CDK5RAP2: variants seen among roughly 807,000 people sequenced by gnomAD.
CDK5RAP2 encodes the protein CDK5 regulatory subunit associated protein 2.
A neutral mutation model predicts 232.9 loss-of-function variants in CDK5RAP2; 147 were observed. That is an observed-to-expected ratio of 0.63 (90% confidence interval 0.55 to 0.72). The LOEUF is 0.72. Among genes scored for constraint, CDK5RAP2 ranks in the 30% least tolerant of loss-of-function variants. The pLI is 0.00. For missense variants in CDK5RAP2, 2,195 were observed against 2,231.5 expected, an observed-to-expected ratio of 0.98 and a Z score of 0.33; for synonymous variants, 833 against 833.7, an observed-to-expected ratio of 1.00 and a Z score of 0.01.
chr9:120,519,160 C>A (rs1217314145), intron 11 of CDK5RAP2, among the ~76,000 whole-genome samples: 1 of 146,892 alleles, frequency 6.8e-6, no homozygotes, highest in African/African-American at 2.5e-5. Context: ...GGTGACAGAG[C>A]GAGACTCCGT....
chr9:120,538,693 A>C (rs1040249709), intron 6 of CDK5RAP2, among the ~76,000 whole-genome samples: 1 of 152,186 alleles, frequency 6.6e-6, no homozygotes, highest in Non-Finnish European at 1.5e-5. Flanking sequence ...TAAACTAGAC[A>C]AGCAGAGTGG....
chr9:120,468,381 C>T (rs181806470), intron 17 of CDK5RAP2, among the ~76,000 whole-genome samples: 2 of 152,326 alleles, frequency 1.3e-5, no homozygotes, highest in Admixed American at 1.3e-4. Context: ...GCACTTGAGA[C>T]CCTCTGGAGG....
At chr9:120,552,965 A>G (rs1398090950) in intron 3 of CDK5RAP2, among the ~76,000 whole-genome samples, 1 of 152,204 alleles carries the variant, frequency 6.6e-6, no homozygotes, top group Non-Finnish European at 1.5e-5. Context: ...ATGAATATAC[A>G]TGGTTGTTCA....
chr9:120,436,843 T>C (rs1021401561), intron 25 of CDK5RAP2, among the ~76,000 whole-genome samples: 11 of 152,178 alleles, frequency 7.2e-5, no homozygotes, highest in African/African-American at 2.7e-4. Flanking sequence ...CATCCTTAAC[T>C]CTTCGATATA....
In CDK5RAP2 at chr9:120,407,099, C is replaced by A. The variant is rs1203459048; in HGVS notation, c.4876G>T (p.Gly1626Trp). ...QSRLKEQLAR[G>W]AEKAQEGALT... ...GCTCCTTCCTGTGCCTTCTCTGCCC[C>A]CCTTGCCAGCTGTTCCTTGAGCCTG... is the stretch of plus-strand genomic sequence containing the variant. Residue 1626 changes from glycine (G) to tryptophan (W), a missense_variant, in exon 32 of 38, where the codon GGG becomes TGG. Transcript: ENST00000349780. The A allele has an allele frequency of 1.2e-6, 2 of 1,614,120 alleles. No homozygotes were observed. The highest frequency in any genetic ancestry group is 1.1e-5 in the South Asian group (1 of 91,084).
chr9:120,417,675 A>C (rs1236914151), intron 27 of CDK5RAP2, among the ~76,000 whole-genome samples: 1 of 152,230 alleles, frequency 6.6e-6, no homozygotes, highest in East Asian at 1.9e-4. Flanking sequence ...GCCAAACTGA[A>C]GAGAAGGAAA....
chr9:120,433,223 AG>A (rs1440626157), intron 25 of CDK5RAP2, among the ~76,000 whole-genome samples: 2 of 152,222 alleles, frequency 1.3e-5, no homozygotes, highest in African/African-American at 2.4e-5. Context: ...AGAGGAACAG[AG>A]TTAAATCCTG....
chr9:120,403,020 T>A lies in CDK5RAP2; in HGVS notation c.5093A>T (p.Asp1698Val), dbSNP rs1485164070. Residue 1698 changes from aspartate (D) to valine (V), a missense_variant, in exon 34 of 38, where the codon GAC becomes GTC. Transcript: ENST00000349780. The surrounding 1 kb of genome is among the most constrained non-coding windows in gnomAD (Gnocchi z 4.2). The part of the protein sequence containing the change: ...SGNDTDSLSC[D>V]SGSSATSTPC... ...AGTGCTAGTTGCCGAACTGCCACTG[T>A]CGCAGGAGAGGGAGTCCGTGTCATT... 1.2e-6 allele frequency: 2 copies of A among 1,614,138 alleles called. No individual in the cohort carries two copies. The highest frequency in any genetic ancestry group is 2.2e-5 in the East Asian group (1 of 44,890).
chr9:120,459,291 T>C (rs564999851), intron 19 of CDK5RAP2, among the ~76,000 whole-genome samples: 3 of 152,204 alleles, frequency 2.0e-5, no homozygotes, highest in Non-Finnish European at 4.4e-5. Flanking sequence ...TTAAAGCCTG[T>C]ACTGGGCATG....
chr9:120,416,404 G>A (rs991101480), intron 27 of CDK5RAP2, among the ~76,000 whole-genome samples: 1 of 152,186 alleles, frequency 6.6e-6, no homozygotes, highest in East Asian at 1.9e-4. Flanking sequence ...GAAGGATACT[G>A]CAAGGAAGAC....
rs1010396871 is a variant in CDK5RAP2, at chr9:120,538,944, C to A, written c.507+97G>T. 3 of 1,327,494 alleles carry A rather than the reference C, an allele frequency of 2.3e-6. No homozygotes were observed. In the African/African-American group the frequency reaches 4.3e-5, roughly 19 times the overall value. 82.2% of individuals were successfully genotyped at this position (1,327,494 alleles called of 1,614,324 possible). ...TCAATAAGGGTAGCTGTTGTTTCTG[C>A]TGAAACTGACGGTTTATAAAAAAAG... On this transcript the variant is annotated intron_variant, in intron 6 of 37. Transcript: ENST00000349780.
chr9:120,569,483 T>C (rs1291673434), intron 2 of CDK5RAP2, among the ~76,000 whole-genome samples: 1 of 123,218 alleles, frequency 8.1e-6, no homozygotes, highest in Non-Finnish European at 1.8e-5. Context: ...GAAGGTGACA[T>C]CTGGGCAGAC....
intron 12 of CDK5RAP2, 144 bp downstream of exon 12, chr9:120,518,283 T>C: frequency 1.7e-6 from 1 of 585,470 alleles, no homozygotes; most frequent in Non-Finnish European, 3.1e-6. Context: ...ATAGATCAAA[T>C]GAAGCTGGTC....
chr9:120,564,305 A>G (rs1176938126), intron 3 of CDK5RAP2, among the ~76,000 whole-genome samples: 2 of 152,082 alleles, frequency 1.3e-5, no homozygotes, highest in Admixed American at 1.3e-4. Flanking sequence ...CCTGGCTAAT[A>G]AAGTGAAACC....
rs1211045797 is a variant in CDK5RAP2 at position 120,579,947 on chromosome 9, G to A, written c.32C>T (p.Thr11Ile). 1.2e-6 allele frequency: 2 copies of A among 1,613,142 alleles called. No homozygotes were observed. The highest frequency in any genetic ancestry group is 2.2e-5 in the East Asian group (1 of 44,900). The change falls in exon 1 of 38, where the codon ACC (threonine) becomes ATC (isoleucine). Residue 11 changes from threonine to isoleucine, a missense_variant. By Grantham distance (89) the Thr-to-Ile change is moderately conservative. Transcript: ENST00000349780. MMDLVLEEDV[T>I]VPGTLSGCSG... ...GCAGCCGCTGAGCGTCCCAGGGACGGTGACGTCCTCTTCCAACACCAAGTC... is the reference window on the plus strand; with the variant it reads ...GCAGCCGCTGAGCGTCCCAGGGACGATGACGTCCTCTTCCAACACCAAGTC...
chr9:120,441,839 T>C (rs1588344578), intron 23 of CDK5RAP2, among the ~76,000 whole-genome samples: 1 of 152,224 alleles, frequency 6.6e-6, no homozygotes, highest in Non-Finnish European at 1.5e-5. Context: ...ATAAGAGCCT[T>C]GAGGGTGCAG....
intron 25 of CDK5RAP2, among the ~76,000 whole-genome samples, chr9:120,436,344 G>A (rs1225875084): frequency 1.3e-5 from 2 of 152,168 alleles, no homozygotes; most frequent in Non-Finnish European, 2.9e-5. Context: ...AAAGAAGAAA[G>A]GGTGAGGAAC....
chr9:120,542,032 G>T (rs2041653531), intron 5 of CDK5RAP2, among the ~76,000 whole-genome samples: 1 of 152,130 alleles, frequency 6.6e-6, no homozygotes, highest in Non-Finnish European at 1.5e-5. Flanking sequence ...TTCTAATTAT[G>T]GTTCTTCAGG....
rs754995238 is a variant in CDK5RAP2, at chr9:120,389,292, G to A, written c.5626C>T (p.Leu1876Phe). Residue 1876 changes from leucine to phenylalanine, a missense_variant and splice_region_variant, in exon 38 of 38, where the codon CTT (leucine) becomes TTT (phenylalanine). Leu to Phe is a conservative substitution (Grantham distance 22). Transcript: ENST00000349780. ...CCTGGATGGGCTCCCCCAGGCCTAA[G>A]CTAGGAAAAGGAAGAAAAAAAAGGA... The part of the protein sequence containing the change: ...ILRKARGNLE[L>F]RPGGAHPGTC... 3 of 1,611,676 alleles carry A rather than the reference G, an allele frequency of 1.9e-6. No individual in the cohort carries two copies. Among genetic ancestry groups the A allele is most frequent in the Non-Finnish European group, 2.5e-6 (3 of 1,178,680 alleles).
Sources: gnomAD v4.1 joint callset for allele counts (sites outside exome capture counted in the v4.1 genomes callset) on GRCh38, gnomAD v4.1.1 for gene constraint, Gnocchi (gnomAD v3.1) non-coding constraint, MANE v1.5 for transcripts, NCBI Gene and HGNC (gene_info 2026-07-23, HGNC 2026-07-21) for gene names.